The following GDE1 variants were observed in gnomAD, a reference collection of about 807,000 sequenced individuals.
The protein encoded by GDE1 is RGS16-interacting membrane protein.
GDE1 carries 24 observed loss-of-function variants against 32.2 expected under a neutral mutation model. That is an observed-to-expected ratio of 0.75 (90% confidence interval 0.54 to 1.05). The LOEUF is 1.05. GDE1 is among the 50% of genes least tolerant of loss of function. The pLI, the probability that GDE1 is intolerant of heterozygous loss-of-function variation, is 0.00. For synonymous variants in GDE1, 159 were observed against 158.6 expected, an observed-to-expected ratio of 1.00 and a Z score of -0.02; for missense variants, 380 against 415.0, an observed-to-expected ratio of 0.92 and a Z score of 0.73.
intron 4 of GDE1, among the ~76,000 whole-genome samples, chr16:19,507,058 G>A (rs1399619490): frequency 6.6e-6 from 1 of 151,998 alleles, no homozygotes; most frequent in Non-Finnish European, 1.5e-5. Context: ...AGGATCATTT[G>A]AGCCTGGAAG....
In GDE1 at chr16:19,510,889, G is replaced by A; in HGVS notation, c.493C>T (p.Leu165=). Residue 165 remains leucine, a synonymous_variant, in exon 3 of 6, where the codon CTA becomes TTA. Coordinates refer to ENST00000353258, the MANE Select transcript of GDE1 (RefSeq NM_016641.4). ...AAGAAGATTGTGAGGTTATGGTTTA[G>A]GCACTCTGCAACAGCTTCCCTTAGG... ...PTLREAVAEC[L]NHNLTIFFDV... The A allele has an allele frequency of 6.2e-7, 1 of 1,605,894 alleles. No homozygotes were observed. Among genetic ancestry groups the A allele is most frequent in the Non-Finnish European group, 8.5e-7 (1 of 1,174,592 alleles).
rs528897579 is a variant in GDE1 at position 19,501,767 on chromosome 16, C to T, written c.*1703G>A. ...TTTTTTTGCAAATGCTGATTCAAAA[C>T]GTACCAATCCCCATCTATCATGCCT... On this transcript the variant is annotated 3_prime_UTR_variant, in exon 6 of 6. Coordinates refer to ENST00000353258, the MANE Select transcript of GDE1 (RefSeq NM_016641.4). 2.0e-5 allele frequency: 3 copies of T among 152,320 alleles called. No homozygotes were observed. The South Asian group carries it at 6.2e-4, about 32-fold the overall frequency. The allele number at this position is 152,320 out of a possible 1,614,324, so 9.4% of individuals were successfully genotyped here. A position where few individuals can be genotyped will look rare whatever the true frequency, so the allele number is the denominator to read the frequency against.
chr16:19,510,152 T>C (rs889358047), intron 3 of GDE1, among the ~76,000 whole-genome samples: 1 of 152,220 alleles, frequency 6.6e-6, no homozygotes, highest in Non-Finnish European at 1.5e-5. Flanking sequence ...GTAATCAGAA[T>C]CATATCTTCC....
chr16:19,522,028 G>A lies in GDE1; in HGVS notation c.-64C>T, dbSNP rs1969470317. On this transcript the variant is annotated 5_prime_UTR_variant, in exon 1 of 6. Coordinates refer to ENST00000353258, the MANE Select transcript of GDE1 (RefSeq NM_016641.4). Reference sequence around the variant, plus strand: ...CGCCGGGCTCCTGGGGCAGTAGAACGAGAAGCGAGGGGGAGGGTCCAAGGC... The same window carrying A: ...CGCCGGGCTCCTGGGGCAGTAGAACAAGAAGCGAGGGGGAGGGTCCAAGGC... The A allele has an allele frequency of 6.8e-7, 1 of 1,473,408 alleles. No individual in the cohort carries two copies. The highest frequency in any genetic ancestry group is 2.5e-5 in the East Asian group (1 of 40,126). The allele number at this position is 1,473,408 out of a possible 1,614,324, so 91.3% of individuals were successfully genotyped here.
At chr16:19,512,692 CTTAAAT>C (rs1969332823) in intron 2 of GDE1, among the ~76,000 whole-genome samples, 1 of 152,008 alleles carries the variant, frequency 6.6e-6, no homozygotes, top group African/African-American at 2.4e-5. Context: ...AGTTTCTGGT[CTTAAAT>C]TTAAACTTTT....
In GDE1 at chr16:19,521,733, GCGCGTCGTGGCTGC is replaced by G. The variant is rs749199118; in HGVS notation, c.218_231del (p.Gly73AlafsTer13). The G allele has an allele frequency of 3.1e-6, 5 of 1,612,194 alleles. No homozygotes were observed. In the Admixed American group the frequency reaches 8.3e-5, roughly 27 times the overall value. ...CGAATGGCCGCCAGCGTGTTCTCGG[GCGCGTCGTGGCTGC>G]CGCCACGGTGGGCGATGGCAGAAAT... On this transcript the variant is annotated frameshift_variant, in exon 1 of 6. Transcript: ENST00000353258. LOFTEE classifies it high-confidence loss of function.
At chr16:19,518,853 C>T (rs1969413738) in intron 1 of GDE1, among the ~76,000 whole-genome samples, 1 of 152,094 alleles carries the variant, frequency 6.6e-6, no homozygotes. Context: ...TTCCTTTTCC[C>T]ATGTGATACA....
chr16:19,513,353 A>ATT (rs35956673), intron 2 of GDE1, among the ~76,000 whole-genome samples: 2,641 of 147,042 alleles, frequency 0.018, 89 homozygotes, highest in African/African-American at 0.063. Context: ...GTATTTTGTT[A>ATT]TTTTTTTTTT....
intron 1 of GDE1, among the ~76,000 whole-genome samples, chr16:19,518,420 A>G (rs910804443): frequency 2.0e-5 from 3 of 152,200 alleles, no homozygotes; most frequent in African/African-American, 7.2e-5. Flanking sequence ...ACAACCCTGA[A>G]GCAGGTACTA....
intron 2 of GDE1, among the ~76,000 whole-genome samples, chr16:19,512,807 AAG>A (rs1347958832): frequency 1.3e-5 from 2 of 152,196 alleles, no homozygotes; most frequent in East Asian, 1.9e-4. Context: ...CCAGTTATTG[AAG>A]AGAGTTCCTT....
At chr16:19,514,725 G>A (rs1055063949) in intron 2 of GDE1, among the ~76,000 whole-genome samples, 5 of 152,034 alleles carry the variant, frequency 3.3e-5, no homozygotes, top group Admixed American at 3.3e-4. Flanking sequence ...TTAACTTAAT[G>A]CTAATTCAAC....
intron 2 of GDE1, among the ~76,000 whole-genome samples, chr16:19,514,666 G>A (rs1969358494): frequency 6.6e-6 from 1 of 152,106 alleles, no homozygotes; most frequent in African/African-American, 2.4e-5. Flanking sequence ...TGAAAACTAA[G>A]TGCTTGATAC....
chr16:19,509,037 C>T (rs1162478780), intron 3 of GDE1, among the ~76,000 whole-genome samples: 1 of 152,218 alleles, frequency 6.6e-6, no homozygotes, highest in Non-Finnish European at 1.5e-5. Flanking sequence ...CGTGGTGGCT[C>T]ACACCTGTAA....
chr16:19,509,482 C>T (rs1597233270), intron 3 of GDE1, among the ~76,000 whole-genome samples: 2 of 152,164 alleles, frequency 1.3e-5, no homozygotes, highest in Non-Finnish European at 2.9e-5. Context: ...GAGAATGGCC[C>T]AGGAATTTAT....
intron 2 of GDE1, among the ~76,000 whole-genome samples, 159 bp from the exon 3 acceptor site, chr16:19,511,103 ATTTTTTT>A (rs200614293): frequency 7.0e-6 from 1 of 143,434 alleles, no homozygotes; most frequent in Admixed American, 7.0e-5. Flanking sequence ...TTACTTTAAG[ATTTTTTT>A]TTTTTTTTTT....
intron 2 of GDE1, among the ~76,000 whole-genome samples, chr16:19,512,580 G>A (rs1324420970): frequency 2.0e-5 from 3 of 151,926 alleles, no homozygotes; most frequent in Non-Finnish European, 4.4e-5. Context: ...AGTCACATTT[G>A]CCTGTTTTTG....
At chr16:19,521,133 CTT>C (rs1352325442) in intron 1 of GDE1, 2 of 153,010 alleles carry the variant, frequency 1.3e-5, no homozygotes, top group African/African-American at 4.8e-5. Context: ...ACACACCAGT[CTT>C]TGTTCTCTTC....
rs1969428359 is a variant in GDE1 at position 19,519,949 on chromosome 16, T to G, written c.261+1755A>C. ...ATCGCTTCAACCTGGGAGGTGGAAG[T>G]TGCAGTGAGTTGAGATCGCCCCACT... On this transcript the variant is annotated intron_variant, in intron 1 of 5. Coordinates refer to ENST00000353258, the MANE Select transcript of GDE1 (RefSeq NM_016641.4). 2.0e-5 allele frequency among the ~76,000 whole-genome samples: 3 copies of G among 152,234 alleles called. No homozygotes were observed. In the South Asian group the frequency reaches 6.2e-4, roughly 32 times the overall value.
chr16:19,509,863 T>C (rs1300483392), intron 3 of GDE1, among the ~76,000 whole-genome samples: 1 of 152,080 alleles, frequency 6.6e-6, no homozygotes, highest in Admixed American at 6.6e-5. Flanking sequence ...GGTTTCACCA[T>C]GTTGGCCAGG....
Sources: gnomAD v4.1 joint callset for allele counts (sites outside exome capture counted in the v4.1 genomes callset) on GRCh38, gnomAD v4.1.1 for gene constraint, MANE v1.5 for transcripts, NCBI Gene and HGNC (gene_info 2026-07-23, HGNC 2026-07-21) for gene names.